ATL2: variants seen among roughly 807,000 people sequenced by gnomAD.
The protein encoded by ATL2 is atlastin-2.
A neutral mutation model predicts 73.9 loss-of-function variants in ATL2; 31 were observed. The observed-to-expected ratio is 0.42, with a 90% CI of 0.32 to 0.57. ATL2 has a LOEUF of 0.57. Ranked by LOEUF, ATL2 falls within the 20% of genes least tolerant of loss-of-function variation. The pLI, the probability that ATL2 is intolerant of heterozygous loss-of-function variation, is 0.14. For missense variants in ATL2, 738 were observed against 702.6 expected (o/e 1.05, Z -0.57); for synonymous variants, 291 against 237.5 (o/e 1.23, Z -2.07).
Position 38,377,201 on chromosome 2 carries a change from C to T in ATL2, c.60G>A (p.Arg20=), listed in dbSNP as rs145946778. The change falls in exon 1 of 13, where the codon CGG becomes CGA. Residue 20 remains arginine, a synonymous_variant. Coordinates refer to ENST00000378954, the MANE Select transcript of ATL2 (RefSeq NM_001135673.4). ...GQQPHQGLWR[R]RRTSDPSAAV... The stretch of plus-strand genomic sequence containing the variant: ...CGGCGCTTGGGTCGCTGGTCCGTCG[C>T]CGGCGCCACAGCCCCTGGTGCGGTT... 3.9e-5 allele frequency: 62 copies of T among 1,610,044 alleles called. No individual in the cohort carries two copies. In the South Asian group the frequency reaches 5.6e-4, roughly 15 times the overall value.
intron 2 of ATL2, among the ~76,000 whole-genome samples, chr2:38,340,722 GA>G (rs1324109047): frequency 1.3e-5 from 2 of 152,028 alleles, no homozygotes; most frequent in Admixed American, 6.5e-5. Context: ...CATCTCATAG[GA>G]AAAGCATGAC....
intron 2 of ATL2, among the ~76,000 whole-genome samples, chr2:38,327,723 G>T (rs1558414919): frequency 6.6e-6 from 1 of 152,130 alleles, no homozygotes; most frequent in Non-Finnish European, 1.5e-5. Context: ...ATCACCTGAG[G>T]TCAGGAGTTC....
intron 2 of ATL2, among the ~76,000 whole-genome samples, chr2:38,328,141 C>T (rs946074893): frequency 2.0e-5 from 3 of 152,094 alleles, no homozygotes; most frequent in Non-Finnish European, 4.4e-5. Context: ...AACATAAAAA[C>T]CACTTCAGAA....
At chr2:38,343,724 A>C (rs1457809073) in intron 1 of ATL2, among the ~76,000 whole-genome samples, 1 of 152,038 alleles carries the variant, frequency 6.6e-6, no homozygotes, top group Non-Finnish European at 1.5e-5. Flanking sequence ...CTGTGTCCCC[A>C]CCCAAATCTC....
intron 1 of ATL2, among the ~76,000 whole-genome samples, chr2:38,355,963 C>CTGG (rs1670642856): frequency 6.6e-6 from 1 of 151,868 alleles, no homozygotes; most frequent in African/African-American, 2.4e-5. Context: ...TCCCAAAGTG[C>CTGG]TGGGATTACA....
intron 1 of ATL2, among the ~76,000 whole-genome samples, chr2:38,346,628 C>A (rs1466283018): frequency 6.6e-6 from 1 of 152,214 alleles, no homozygotes; most frequent in Non-Finnish European, 1.5e-5. Flanking sequence ...AAGGAGCACA[C>A]AACCCAGATC....
At chr2:38,310,654 A>T (rs1213288416) in intron 7 of ATL2, among the ~76,000 whole-genome samples, 1 of 125,996 alleles carries the variant, frequency 7.9e-6, no homozygotes, top group African/African-American at 3.1e-5. Context: ...TTTTTTTTTT[A>T]AAGACAGAGT....
upstream of ATL2, among the ~76,000 whole-genome samples, chr2:38,378,577 T>C (rs1672099287): frequency 6.6e-6 from 1 of 152,246 alleles, no homozygotes; most frequent in South Asian, 2.1e-4. Flanking sequence ...TTTGTCATCA[T>C]TGTCACATAA....
chr2:38,340,856 T>C (rs907634271), intron 2 of ATL2, among the ~76,000 whole-genome samples: 5 of 152,196 alleles, frequency 3.3e-5, no homozygotes, highest in Non-Finnish European at 5.9e-5. Context: ...ATACTATAAA[T>C]GAAAGCCAAT....
rs185852246 is a variant in ATL2 at position 38,310,888 on chromosome 2, A to G, written c.805-441T>C. Among the ~76,000 whole-genome samples the G allele has an allele frequency of 1.2e-3, 183 of 152,050 alleles. 1 individual carries two copies. The highest frequency in any genetic ancestry group is 4.1e-3 in the African/African-American group (171 of 41,474). Reference sequence around the variant, plus strand: ...GTAATCCACCCGCCTCGGCCTCCCAAAGTGCTGGGATTACAGGCATGAGCC... The same window carrying G: ...GTAATCCACCCGCCTCGGCCTCCCAGAGTGCTGGGATTACAGGCATGAGCC... On this transcript the variant is annotated intron_variant, in intron 7 of 12. Coordinates refer to ENST00000378954, the MANE Select transcript of ATL2 (RefSeq NM_001135673.4).
intron 1 of ATL2, among the ~76,000 whole-genome samples, chr2:38,367,158 T>TA (rs1453309391): frequency 4.6e-5 from 7 of 150,766 alleles, no homozygotes; most frequent in Non-Finnish European, 7.4e-5. Context: ...TTCAGGTAGG[T>TA]TTTTTTTTAG....
intron 1 of ATL2, among the ~76,000 whole-genome samples, chr2:38,368,345 C>T (rs1215450831): frequency 6.6e-6 from 1 of 151,624 alleles, no homozygotes; most frequent in Non-Finnish European, 1.5e-5. Flanking sequence ...CTCCACCTCC[C>T]AGGTTCAAGC....
At chr2:38,375,962 A>C (rs930318003) in intron 1 of ATL2, among the ~76,000 whole-genome samples, 2 of 152,194 alleles carry the variant, frequency 1.3e-5, no homozygotes, top group Admixed American at 6.5e-5. Context: ...TTTCAAATAA[A>C]CTTTCCTATT....
chr2:38,305,736 T>C (rs981374921), intron 9 of ATL2, among the ~76,000 whole-genome samples: 12 of 150,942 alleles, frequency 8.0e-5, no homozygotes, highest in Non-Finnish European at 1.8e-4. Flanking sequence ...TTGAAACAAA[T>C]GAAAACGGAA....
chr2:38,332,005 A>C (rs560052926), intron 2 of ATL2, among the ~76,000 whole-genome samples: 1 of 152,310 alleles, frequency 6.6e-6, no homozygotes, highest in African/African-American at 2.4e-5. Flanking sequence ...AAAAGTACTG[A>C]TACATGCTAT....
At chr2:38,322,344 T>C (rs1668373805) in intron 2 of ATL2, among the ~76,000 whole-genome samples, 1 of 152,232 alleles carries the variant, frequency 6.6e-6, no homozygotes, top group Non-Finnish European at 1.5e-5. Context: ...GTTTTGTTTG[T>C]TTCATTCTTA....
At chr2:38,316,358 A>G (rs975741933) in intron 4 of ATL2, among the ~76,000 whole-genome samples, 8 of 152,206 alleles carry the variant, frequency 5.3e-5, no homozygotes, top group Non-Finnish European at 8.8e-5. Context: ...CTTTTAGAAA[A>G]TAGGTCTGGA....
intron 1 of ATL2, among the ~76,000 whole-genome samples, chr2:38,370,456 A>C (rs1671618054): frequency 1.9e-5 from 1 of 51,626 alleles, no homozygotes; most frequent in African/African-American, 2.0e-4. Context: ...CCCAAAAAAA[A>C]AAAAAAAAAA....
At chr2:38,352,133 CAAAAAAAAAAA>C (rs778821586) in intron 1 of ATL2, among the ~76,000 whole-genome samples, 35 of 32,002 alleles carry the variant, frequency 1.1e-3, no homozygotes, top group East Asian at 5.9e-3. Flanking sequence ...AAACAACAAC[CAAAAAAAAAAA>C]AAAAAAAAAA....
Sources: allele counts gnomAD v4.1 joint callset (sites outside exome capture counted in the v4.1 genomes callset), GRCh38; gene constraint gnomAD v4.1.1; transcripts MANE v1.5; gene names NCBI Gene and HGNC (gene_info 2026-07-23, HGNC 2026-07-21).